FGF18: variants seen among roughly 807,000 people sequenced by gnomAD.
FGF18 encodes the protein fibroblast growth factor 18.
FGF18 carries 5 observed loss-of-function variants against 23.0 expected under a neutral mutation model. That is an observed-to-expected ratio of 0.22 (90% CI 0.11 to 0.46). The LOEUF is 0.46. Ranked by LOEUF, FGF18 falls within the 20% of genes least tolerant of loss-of-function variation. FGF18 has a pLI of 0.99. For missense variants in FGF18, 180 were observed against 291.6 expected (o/e 0.62, Z 2.79); for synonymous variants, 117 against 118.9 (o/e 0.98, Z 0.10).
Position 171,436,638 on chromosome 5 carries a change from G to C in FGF18, c.250+365G>C, listed in dbSNP as rs1041510112. ...CACTTCAAGGGGCAGGAGCCTCGAG[G>C]TGATGCTTTTAGGAAGCTGCTGGTG... On this transcript the variant is annotated intron_variant, in intron 3 of 4. Transcript: ENST00000274625. The surrounding 1 kb of genome is among the most constrained non-coding windows in gnomAD (Gnocchi z 4.4). 6.6e-6 allele frequency among the ~76,000 whole-genome samples: 1 copy of C among 152,168 alleles called. No individual in the cohort carries two copies. Among genetic ancestry groups the C allele is most frequent in the Non-Finnish European group, 1.5e-5 (1 of 68,038 alleles).
At chr5:171,443,438 CTT>C (rs1772373634) in intron 3 of FGF18, among the ~76,000 whole-genome samples, 2 of 146,402 alleles carry the variant, frequency 1.4e-5, no homozygotes, top group Admixed American at 1.4e-4. Context: ...CGTTCACACT[CTT>C]AACATCTTAA....
chr5:171,432,224 G>A (rs10475978), intron 2 of FGF18, among the ~76,000 whole-genome samples: 3 of 151,684 alleles, frequency 2.0e-5, no homozygotes, highest in Non-Finnish European at 2.9e-5. Flanking sequence ...GACCTGCCAC[G>A]CAGCTAGTAG....
intron 4 of FGF18, among the ~76,000 whole-genome samples, chr5:171,450,614 A>G (rs1772484488): frequency 6.6e-6 from 1 of 152,258 alleles, no homozygotes; most frequent in South Asian, 2.1e-4. Context: ...CTCAAAGAGC[A>G]AAATAATAGT....
At chr5:171,449,885 C>A (rs1772473602) in intron 4 of FGF18, among the ~76,000 whole-genome samples, 2 of 152,106 alleles carry the variant, frequency 1.3e-5, no homozygotes, top group Non-Finnish European at 2.9e-5. Flanking sequence ...GTGTGGGGAT[C>A]TGAGTCTCCA....
At chr5:171,452,526 G>GC (rs1194884914) in intron 4 of FGF18, among the ~76,000 whole-genome samples, 3 of 152,142 alleles carry the variant, frequency 2.0e-5, no homozygotes, top group Non-Finnish European at 1.5e-5. Flanking sequence ...TGTTCAGGCG[G>GC]CCCCCCTTCT....
rs536640430 is a variant in FGF18 at position 171,451,646 on chromosome 5, A to C, written c.357+2393A>C. 1.1e-4 allele frequency among the ~76,000 whole-genome samples: 16 copies of C among 151,094 alleles called. No individual in the cohort carries two copies. Among genetic ancestry groups the C allele is most frequent in the Admixed American group, 7.2e-4 (11 of 15,220 alleles). On this transcript the variant is annotated intron_variant, in intron 4 of 4. Coordinates refer to ENST00000274625, the MANE Select transcript of FGF18 (RefSeq NM_003862.3). This position sits in a 1 kb window ranked among gnomAD's most constrained non-coding sequence, Gnocchi z 4.5. Reference sequence around the variant, plus strand: ...GGCACATGACCTGCCCTCCACCCCCACCCAGCTCCAAACCCATCCATGGGT... The same window carrying C: ...GGCACATGACCTGCCCTCCACCCCCCCCCAGCTCCAAACCCATCCATGGGT...
intron 3 of FGF18, among the ~76,000 whole-genome samples, chr5:171,442,189 T>C (rs909224395): frequency 6.6e-5 from 10 of 152,084 alleles, no homozygotes; most frequent in East Asian, 1.9e-4. Context: ...TATTGGTTTT[T>C]CCCCCCAACT....
At chr5:171,444,922 C>G (rs1339770684) in intron 3 of FGF18, among the ~76,000 whole-genome samples, 4 of 152,116 alleles carry the variant, frequency 2.6e-5, no homozygotes, top group Non-Finnish European at 5.9e-5. Context: ...AGGTTCTTGT[C>G]CTCGTGGAGC....
intron 3 of FGF18, among the ~76,000 whole-genome samples, chr5:171,439,873 A>C (rs564540547): frequency 6.6e-6 from 1 of 152,284 alleles, no homozygotes; most frequent in South Asian, 2.1e-4. Flanking sequence ...TATTTGAAAA[A>C]AAGATTTCTC....
rs190656945 is a variant in FGF18, at chr5:171,440,572, C to A, written c.250+4299C>A. Among the ~76,000 whole-genome samples, 2 of 152,126 alleles carry A rather than the reference C, an allele frequency of 1.3e-5. No individual in the cohort carries two copies. The highest frequency in any genetic ancestry group is 4.8e-5 in the African/African-American group (2 of 41,406). ...CAAAGAGCCTTCAGTCTAGGGCCCC[C>A]ATTCCTTACTAGAGGCTGACTTTGA... On this transcript the variant is annotated intron_variant, in intron 3 of 4. Transcript: ENST00000274625. The surrounding 1 kb of genome is among the most constrained non-coding windows in gnomAD (Gnocchi z 4.0).
chr5:171,442,177 C>G (rs532452159), intron 3 of FGF18, among the ~76,000 whole-genome samples: 2 of 152,292 alleles, frequency 1.3e-5, no homozygotes, highest in South Asian at 4.1e-4. Flanking sequence ...CCCGATGAAC[C>G]CTATTGGTTT....
At chr5:171,452,409 A>G (rs1314900798) in intron 4 of FGF18, among the ~76,000 whole-genome samples, 3 of 152,166 alleles carry the variant, frequency 2.0e-5, no homozygotes, top group Non-Finnish European at 4.4e-5. Context: ...GGGTACCTGC[A>G]TTGAGCCCTT....
chr5:171,444,001 CCTT>C (rs938481593), intron 3 of FGF18, among the ~76,000 whole-genome samples: 1 of 151,878 alleles, frequency 6.6e-6, no homozygotes, highest in Non-Finnish European at 1.5e-5. Context: ...AGATCTGAAA[CCTT>C]CTTTGCCTCT....
Position 171,426,393 on chromosome 5 carries a change from T to C in FGF18, c.69+5950T>C, listed in dbSNP as rs142718628. Among the ~76,000 whole-genome samples the C allele has an allele frequency of 5.9e-5, 9 of 152,346 alleles. No homozygotes were observed. In the East Asian group the frequency reaches 1.5e-3, roughly 26 times the overall value. The stretch of plus-strand genomic sequence containing the variant: ...CTCCTAGCTTTTGCTGTGTTGGCTC[T>C]TCTCTAACTCATAAGACCCCATGGC... On this transcript the variant is annotated intron_variant, in intron 2 of 4. Transcript: ENST00000274625.
intron 3 of FGF18, among the ~76,000 whole-genome samples, chr5:171,441,528 C>T (rs370262348): frequency 9.4e-4 from 143 of 152,308 alleles, no homozygotes; most frequent in African/African-American, 2.9e-3. Flanking sequence ...CCCCATGGCC[C>T]GCTCCCTCAC....
intron 2 of FGF18, among the ~76,000 whole-genome samples, chr5:171,433,120 C>A (rs1772204004): frequency 6.6e-6 from 1 of 152,186 alleles, no homozygotes; most frequent in South Asian, 2.1e-4. Flanking sequence ...GAGGCCACCC[C>A]CGCCACCTCC....
chr5:171,447,605 G>A lies in FGF18; in HGVS notation c.251-1542G>A, dbSNP rs151109071. On this transcript the variant is annotated intron_variant, in intron 3 of 4. Coordinates refer to ENST00000274625, the MANE Select transcript of FGF18 (RefSeq NM_003862.3). ...TTTCCCTCTTGGAAAGGTGGGTATC[G>A]TATTTTAATTAGTAGTGGTGTCAAA... is the stretch of plus-strand genomic sequence containing the variant. 6.3e-3 allele frequency among the ~76,000 whole-genome samples: 965 copies of A among 152,182 alleles called. 9 individuals are homozygous for A. Among genetic ancestry groups the A allele is most frequent in the African/African-American group, 0.022 (916 of 41,502 alleles).
intron 2 of FGF18, among the ~76,000 whole-genome samples, chr5:171,421,372 C>A (rs969147524): frequency 2.6e-5 from 4 of 152,194 alleles, no homozygotes; most frequent in Non-Finnish European, 5.9e-5. Context: ...AGCGTCAGCT[C>A]CCCAAGCCCC....
chr5:171,443,501 A>ATTTTTTTTTTTTT lies in FGF18; in HGVS notation c.251-5627_251-5615dup, dbSNP rs59576538. 3.0e-4 allele frequency among the ~76,000 whole-genome samples: 19 copies of ATTTTTTTTTTTTT among 63,772 alleles called. 2 individuals are homozygous for ATTTTTTTTTTTTT. Among genetic ancestry groups the ATTTTTTTTTTTTT allele is most frequent in the East Asian group, 6.9e-4 (1 of 1,456 alleles). 41.8% of individuals were successfully genotyped at this position (63,772 alleles called of 152,430 possible). On this transcript the variant is annotated intron_variant, in intron 3 of 4. Coordinates refer to ENST00000274625, the MANE Select transcript of FGF18 (RefSeq NM_003862.3). ...CAGATAAGTATTCACTGTTATCATC[A>ATTTTTTTTTTTTT]TTTTTTTTTTTTTTTTTTTTTTTTT...
Sources: allele counts gnomAD v4.1 joint callset (sites outside exome capture counted in the v4.1 genomes callset), GRCh38; gene constraint gnomAD v4.1.1; non-coding constraint Gnocchi (gnomAD v3.1); transcripts MANE v1.5; gene names NCBI Gene and HGNC (gene_info 2026-07-23, HGNC 2026-07-21).